GRIA1: variants seen among roughly 807,000 people sequenced by gnomAD.
The protein encoded by GRIA1 is glutamate ionotropic receptor AMPA type subunit 1, also known as glutamate receptor 1.
A neutral mutation model predicts 99.2 loss-of-function variants in GRIA1; 31 were observed. That is an observed-to-expected ratio of 0.31 (90% CI 0.23 to 0.42). The LOEUF (loss-of-function observed/expected upper bound fraction) is 0.42. GRIA1 is among the 10% of genes least tolerant of loss of function. The pLI is 1.00. For missense variants in GRIA1, 782 were observed against 1,157.5 expected (o/e 0.68, Z 4.71); for synonymous variants, 438 against 432.4 (o/e 1.01, Z -0.16).
chr5:153,611,150 A>G (rs1170509808), intron 2 of GRIA1, among the ~76,000 whole-genome samples: 2 of 152,234 alleles, frequency 1.3e-5, no homozygotes, highest in African/African-American at 2.4e-5. Context: ...AAAGCTTGCC[A>G]CTACGTATAA....
chr5:153,658,621 T>G (rs1341030183), intron 5 of GRIA1, among the ~76,000 whole-genome samples: 1 of 152,210 alleles, frequency 6.6e-6, no homozygotes, highest in Non-Finnish European at 1.5e-5. Flanking sequence ...AATAATGCAA[T>G]TCATAAGACG....
chr5:153,500,882 A>G (rs1211833137), intron 2 of GRIA1, among the ~76,000 whole-genome samples: 2 of 152,104 alleles, frequency 1.3e-5, no homozygotes, highest in African/African-American at 4.8e-5. Context: ...ATGCTGGACT[A>G]CCTTCTTGAA....
At chr5:153,683,332 G>A (rs1181108601) in intron 7 of GRIA1, among the ~76,000 whole-genome samples, 2 of 152,250 alleles carry the variant, frequency 1.3e-5, no homozygotes, top group East Asian at 3.9e-4. Flanking sequence ...TTTTATCTCA[G>A]TGCAAGTAAG....
intron 13 of GRIA1, 27 bp downstream of exon 13, chr5:153,770,442 G>C (rs756448047): frequency 6.2e-7 from 1 of 1,600,782 alleles, no homozygotes. Context: ...TGCTTCCTTG[G>C]TACTCCCTCT....
At chr5:153,630,472 C>T in intron 2 of GRIA1, among the ~76,000 whole-genome samples, 1 of 152,154 alleles carries the variant, frequency 6.6e-6, no homozygotes, top group Non-Finnish European at 1.5e-5. Context: ...TTCCCTGTGG[C>T]CCTCACCTAT....
At chr5:153,571,814 A>G (rs539905540) in intron 2 of GRIA1, among the ~76,000 whole-genome samples, 70 of 152,214 alleles carry the variant, frequency 4.6e-4, no homozygotes, top group Admixed American at 7.9e-4. Flanking sequence ...TTTTAGAGAT[A>G]AAACATTATA....
At chr5:153,538,501 C>T (rs1177078807) in intron 2 of GRIA1, among the ~76,000 whole-genome samples, 2 of 152,082 alleles carry the variant, frequency 1.3e-5, no homozygotes, top group East Asian at 1.9e-4. Context: ...ATCCCACCTC[C>T]CACCACCCAA....
chr5:153,779,013 A>T (rs1764463798), intron 13 of GRIA1, among the ~76,000 whole-genome samples: 1 of 152,110 alleles, frequency 6.6e-6, no homozygotes. Flanking sequence ...TGCTCCTGAA[A>T]ATTCTATATG....
At chr5:153,781,685 T>C (rs1179578483) in intron 13 of GRIA1, among the ~76,000 whole-genome samples, 2 of 151,858 alleles carry the variant, frequency 1.3e-5, no homozygotes, top group East Asian at 4.0e-4. Flanking sequence ...TCCTACTATA[T>C]AGACCACATA....
chr5:153,616,386 C>T (rs1311031461), intron 2 of GRIA1, among the ~76,000 whole-genome samples: 1 of 151,800 alleles, frequency 6.6e-6, no homozygotes, highest in Non-Finnish European at 1.5e-5. Context: ...CAGGGGTGAC[C>T]AATCTTTTGG....
chr5:153,770,184 T>C lies in GRIA1; in HGVS notation c.2039T>C (p.Val680Ala). Residue 680 changes from valine to alanine, a missense_variant, in exon 13 of 16, where the codon GTG (valine) becomes GCG (alanine). By Grantham distance (64) the Val-to-Ala change is moderately conservative (BLOSUM62 0). Around this residue, in one of 5 missense-constraint regions of GRIA1, gnomAD observed 119 missense variants for 326.6 expected, o/e 0.36. Coordinates refer to ENST00000285900, the MANE Select transcript of GRIA1 (RefSeq NM_000827.4). ...CCCTACCAGAGGTCTAAAATTGCTG[T>C]GTTTGAGAAGATGTGGACATACATG... ...KEFFRRSKIA[V>A]FEKMWTYMKS... The C allele has an allele frequency of 2.5e-6, 4 of 1,613,846 alleles. No individual in the cohort carries two copies. The highest frequency in any genetic ancestry group is 3.4e-6 in the Non-Finnish European group (4 of 1,179,788).
chr5:153,804,723 TAA>T (rs1766301036), intron 15 of GRIA1, among the ~76,000 whole-genome samples: 2 of 67,384 alleles, frequency 3.0e-5, no homozygotes, highest in African/African-American at 5.5e-5. Flanking sequence ...ATTAATTAAT[TAA>T]TTAATTAATT....
chr5:153,592,171 G>C (rs1581281586), intron 2 of GRIA1, among the ~76,000 whole-genome samples: 1 of 152,224 alleles, frequency 6.6e-6, no homozygotes, highest in South Asian at 2.1e-4. Context: ...TCTTTTCATA[G>C]CAAGAGGCTG....
intron 13 of GRIA1, among the ~76,000 whole-genome samples, chr5:153,786,375 A>G (rs1414044860): frequency 6.6e-6 from 1 of 151,948 alleles, no homozygotes; most frequent in East Asian, 1.9e-4. Context: ...ACTTCCACCC[A>G]CTGTCAGAAT....
intron 11 of GRIA1, among the ~76,000 whole-genome samples, chr5:153,751,723 G>A (rs1353394551): frequency 1.3e-5 from 2 of 152,228 alleles, no homozygotes; most frequent in Non-Finnish European, 2.9e-5. Context: ...ACCAGAACAA[G>A]AAATGCCTAT....
At chr5:153,788,289 T>C (rs946579358) in intron 13 of GRIA1, among the ~76,000 whole-genome samples, 1 of 152,148 alleles carries the variant, frequency 6.6e-6, no homozygotes, top group Non-Finnish European at 1.5e-5. Context: ...GCCTCTCTTC[T>C]TTCCAATCCT....
intron 11 of GRIA1, among the ~76,000 whole-genome samples, chr5:153,751,625 G>GT (rs1247835725): frequency 6.6e-6 from 1 of 152,314 alleles, no homozygotes; most frequent in East Asian, 1.9e-4. Flanking sequence ...GACAGAAAAA[G>GT]TTTGCTGGCC....
chr5:153,556,417 G>A (rs1760652891), intron 2 of GRIA1, among the ~76,000 whole-genome samples: 1 of 152,164 alleles, frequency 6.6e-6, no homozygotes, highest in Admixed American at 6.5e-5. Context: ...AATATTCCCT[G>A]AAGCCTTTAT....
chr5:153,684,181 A>G (rs1374830108), intron 7 of GRIA1, among the ~76,000 whole-genome samples: 1 of 152,182 alleles, frequency 6.6e-6, no homozygotes, highest in Non-Finnish European at 1.5e-5. Flanking sequence ...TAATCTCTAA[A>G]TGGCATACTT....
Sources: gnomAD v4.1 joint callset for allele counts (sites outside exome capture counted in the v4.1 genomes callset) on GRCh38, gnomAD v4.1.1 for gene constraint, gnomAD v4.1.1 regional missense constraint, MANE v1.5 for transcripts, NCBI Gene and HGNC (gene_info 2026-07-23, HGNC 2026-07-21) for gene names.